FAM174A: variants seen among roughly 807,000 people sequenced by gnomAD.
The protein encoded by FAM174A is family with sequence similarity 174 member A.
Under a neutral mutation model 14.3 loss-of-function variants are expected in FAM174A, and 14 were observed. The observed-to-expected ratio is 0.98, with a 90% confidence interval of 0.65 to 1.53. The LOEUF is 1.53. Ranked by LOEUF, FAM174A falls within the 40% of genes most tolerant of loss-of-function variation. The probability of loss-of-function intolerance (pLI) is 0.00; values close to 1 mark genes in which losing one functional copy is unlikely to be tolerated. For missense variants in FAM174A, 241 were observed against 249.6 expected (o/e 0.97, Z 0.23); for synonymous variants, 108 against 111.4 (o/e 0.97, Z 0.19).
chr5:100,547,910 G>A (rs919136274), intron 1 of FAM174A, among the ~76,000 whole-genome samples: 1 of 151,992 alleles, frequency 6.6e-6, no homozygotes, highest in Non-Finnish European at 1.5e-5. Flanking sequence ...AGATTATTAA[G>A]AATTCCATAT....
chr5:100,569,376 C>T (rs1192727043), intron 2 of FAM174A, among the ~76,000 whole-genome samples: 1 of 125,402 alleles, frequency 8.0e-6, no homozygotes, highest in Non-Finnish European at 1.6e-5. Context: ...ACATATTACT[C>T]TATAGAGGCT....
chr5:100,566,141 G>GATAGATATATATAT (rs558236562), intron 2 of FAM174A, among the ~76,000 whole-genome samples: 1,304 of 81,754 alleles, frequency 0.016, 69 homozygotes, highest in Admixed American at 0.046. Flanking sequence ...TGAAAAGTAT[G>GATAGATATATATAT]ATATATATAT....
At chr5:100,539,037 A>G (rs1346733206) in intron 1 of FAM174A, among the ~76,000 whole-genome samples, 2 of 152,060 alleles carry the variant, frequency 1.3e-5, no homozygotes, top group Admixed American at 1.3e-4. Flanking sequence ...TCAATTTGGT[A>G]TATTGGAAGG....
chr5:100,562,251 G>T, intron 2 of FAM174A, 63 bp downstream of exon 2: 1 of 1,430,252 alleles, frequency 7.0e-7, no homozygotes, highest in Non-Finnish European at 9.5e-7. Context: ...GTAAACTGAA[G>T]AAGTAAAGTA....
intron 2 of FAM174A, among the ~76,000 whole-genome samples, chr5:100,566,383 G>T (rs1178688918): frequency 6.6e-6 from 1 of 151,218 alleles, no homozygotes; most frequent in East Asian, 1.9e-4. Context: ...AATAGAGTAG[G>T]GGTTAACAGG....
chr5:100,579,425 A>AT (rs1283161115), intron 2 of FAM174A, among the ~76,000 whole-genome samples: 93 of 147,100 alleles, frequency 6.3e-4, no homozygotes, highest in African/African-American at 1.4e-3. Context: ...TTATGTAGCG[A>AT]TTTTTTTTTT....
At chr5:100,553,890 G>A (rs1746311713) in intron 1 of FAM174A, among the ~76,000 whole-genome samples, 1 of 152,156 alleles carries the variant, frequency 6.6e-6, no homozygotes, top group African/African-American at 2.4e-5. Flanking sequence ...ATGTAGAGAA[G>A]AACATCAGAT....
rs886541618 is a variant in FAM174A at position 100,574,977 on chromosome 5, T to C, written c.570-11204T>C. ...TTTCTTGCAGAGTAGTTCCTATTGT[T>C]CTCATTTGAAAGATAAGAAAACTGA... On this transcript the variant is annotated intron_variant, in intron 2 of 2. Transcript: ENST00000312637. 7.9e-5 allele frequency among the ~76,000 whole-genome samples: 12 copies of C among 152,158 alleles called. 1 individual carries two copies. The highest frequency in any genetic ancestry group is 4.6e-4 in the Admixed American group (7 of 15,266).
chr5:100,547,786 T>C (rs779224395), intron 1 of FAM174A, among the ~76,000 whole-genome samples: 3 of 152,072 alleles, frequency 2.0e-5, no homozygotes, highest in Non-Finnish European at 4.4e-5. Context: ...GGTTTTTAGC[T>C]ATAAATAATA....
rs549485802 is a variant in FAM174A at position 100,581,051 on chromosome 5, C to A, written c.570-5130C>A. ...TCAAGCGATTCTTCTGCTTCAGCCT[C>A]CCAAGTAGCTGGGATTACAGGTGCC... On this transcript the variant is annotated intron_variant, in intron 2 of 2. Transcript: ENST00000312637. Among the ~76,000 whole-genome samples the A allele has an allele frequency of 2.0e-5, 3 of 152,238 alleles. No homozygotes were observed. The South Asian group carries it at 6.2e-4, about 32-fold the overall frequency.
At chr5:100,547,241 T>G (rs1208067137) in intron 1 of FAM174A, among the ~76,000 whole-genome samples, 1 of 152,126 alleles carries the variant, frequency 6.6e-6, no homozygotes, top group Non-Finnish European at 1.5e-5. Flanking sequence ...AAAAAAAGTA[T>G]GAGTGGAGTA....
chr5:100,535,527 A>G lies in FAM174A; in HGVS notation c.-4A>G, dbSNP rs781427227. On this transcript the variant is annotated 5_prime_UTR_variant, in exon 1 of 3. Transcript: ENST00000312637. Reference sequence around the variant, plus strand: ...CCGGGTGGTGAGAGAGCGGTCCGGGAACGATGAAGGCCTCGCAGTGCTGCT... The same window carrying G: ...CCGGGTGGTGAGAGAGCGGTCCGGGGACGATGAAGGCCTCGCAGTGCTGCT... 1.9e-6 allele frequency: 3 copies of G among 1,612,328 alleles called. No homozygotes were observed. The highest frequency in any genetic ancestry group is 4.5e-5 in the East Asian group (2 of 44,878).
chr5:100,546,336 C>T (rs1358656806), intron 1 of FAM174A, among the ~76,000 whole-genome samples: 5 of 152,096 alleles, frequency 3.3e-5, no homozygotes, highest in Admixed American at 3.3e-4. Flanking sequence ...TTTTATTGAC[C>T]AGTCCTAGTC....
chr5:100,535,832 G>A lies in FAM174A; in HGVS notation c.302G>A (p.Gly101Glu). Residue 101 changes from glycine to glutamate, a missense_variant, in exon 1 of 3, where the codon GGG becomes GAG. Physicochemically the swap from Gly to Glu is moderately conservative, Grantham distance 98. Coordinates refer to ENST00000312637, the MANE Select transcript of FAM174A (RefSeq NM_198507.3). Reference protein sequence around the residue: ...LETDDHGGKAGEGSVGGGLAV... With the variant: ...LETDDHGGKAEEGSVGGGLAV... Reference sequence around the variant, plus strand: ...ACGGACGATCACGGAGGGAAGGCCGGGGAAGGCTCGGTGGGTGGCGGCCTT... The same window carrying A: ...ACGGACGATCACGGAGGGAAGGCCGAGGAAGGCTCGGTGGGTGGCGGCCTT... 6.2e-7 allele frequency: 1 copy of A among 1,611,634 alleles called. No homozygotes were observed. Among genetic ancestry groups the A allele is most frequent in the Non-Finnish European group, 8.5e-7 (1 of 1,179,874 alleles).
In FAM174A at chr5:100,586,510, T is replaced by G. The variant is rs1747128953; in HGVS notation, c.*326T>G. 3 of 171,924 alleles carry G rather than the reference T, an allele frequency of 1.7e-5. No individual in the cohort carries two copies. Among genetic ancestry groups the G allele is most frequent in the Non-Finnish European group, 3.7e-5 (3 of 81,170 alleles). 10.6% of individuals were successfully genotyped at this position (171,924 alleles called of 1,614,324 possible). A position where few individuals can be genotyped will look rare whatever the true frequency, so the allele number is the denominator to read the frequency against. On this transcript the variant is annotated 3_prime_UTR_variant, in exon 3 of 3. Transcript: ENST00000312637. Reference sequence around the variant, plus strand: ...TATGATTGTAAATTGTTTTATGTATTAATCAGTTAATGCTAATTATTTTTG... The same window carrying G: ...TATGATTGTAAATTGTTTTATGTATGAATCAGTTAATGCTAATTATTTTTG...
At chr5:100,549,514 G>T (rs1045388623) in intron 1 of FAM174A, among the ~76,000 whole-genome samples, 1 of 152,056 alleles carries the variant, frequency 6.6e-6, no homozygotes, top group Non-Finnish European at 1.5e-5. Flanking sequence ...GGAAGTGATT[G>T]TATGTACTGA....
chr5:100,562,045 A>G lies in FAM174A; in HGVS notation c.435-9A>G, dbSNP rs749846969. On this transcript the variant is annotated splice_polypyrimidine_tract_variant and intron_variant, in intron 1 of 2. Transcript: ENST00000312637. Reference sequence around the variant, plus strand: ...TAATTTTTATTCATTAATTTGTTCTATTTGATAGGATGAGAAGAAGAAACC... The same window carrying G: ...TAATTTTTATTCATTAATTTGTTCTGTTTGATAGGATGAGAAGAAGAAACC... 28 of 1,504,548 alleles carry G rather than the reference A, an allele frequency of 1.9e-5. No individual in the cohort carries two copies. In the South Asian group the frequency reaches 2.5e-4, roughly 13 times the overall value. The allele number at this position is 1,504,548 out of a possible 1,614,324, so 93.2% of individuals were successfully genotyped here.
At chr5:100,548,278 A>C (rs1452823354) in intron 1 of FAM174A, among the ~76,000 whole-genome samples, 1 of 152,136 alleles carries the variant, frequency 6.6e-6, no homozygotes, top group Non-Finnish European at 1.5e-5. Flanking sequence ...AGCCAGAAGA[A>C]GAAAGTTGCC....
At chr5:100,555,441 C>A (rs1179736347) in intron 1 of FAM174A, among the ~76,000 whole-genome samples, 2 of 152,078 alleles carry the variant, frequency 1.3e-5, no homozygotes, top group Non-Finnish European at 2.9e-5. Context: ...TGGGTATATA[C>A]CCAGTAACGG....
Sources: gnomAD v4.1 joint callset for allele counts (sites outside exome capture counted in the v4.1 genomes callset) on GRCh38, gnomAD v4.1.1 for gene constraint, MANE v1.5 for transcripts, NCBI Gene and HGNC (gene_info 2026-07-23, HGNC 2026-07-21) for gene names.